DPH1: variants seen among roughly 807,000 people sequenced by gnomAD.
The protein encoded by DPH1 is diphthamide biosynthesis 1, also known as 2-(3-amino-3-carboxypropyl)histidine synthase subunit 1.
Under a neutral mutation model 55.3 loss-of-function variants are expected in DPH1, and 59 were observed. The ratio of observed to expected loss-of-function variants is 1.07; its 90% CI spans 0.87 to 1.33. DPH1 has a LOEUF of 1.33. DPH1 is among the 40% of genes most tolerant of loss of function. The pLI is 0.00. For synonymous variants in DPH1, 238 were observed against 235.5 expected, an observed-to-expected ratio of 1.01 and a Z score of -0.10; for missense variants, 628 against 584.8, an observed-to-expected ratio of 1.07 and a Z score of -0.76.
Position 2,033,633 on chromosome 17 carries a change from A to T in DPH1, c.190A>T (p.Ile64Phe), listed in dbSNP as rs2067361708. 1.2e-6 allele frequency: 2 copies of T among 1,614,034 alleles called. No individual in the cohort carries two copies. The highest frequency in any genetic ancestry group is 2.7e-5 in the African/African-American group (2 of 74,908). Residue 64 changes from isoleucine (I) to phenylalanine (F), a missense_variant, in exon 2 of 13, where the codon ATC becomes TTC. By Grantham distance (21) the Ile-to-Phe change is conservative. Coordinates refer to ENST00000263083, the MANE Select transcript of DPH1 (RefSeq NM_001383.6). ...NFEIPKTIWR[I>F]QQAQAKKVAL... Reference sequence around the variant, plus strand: ...TGAGATCCCCAAGACCATCTGGAGGATCCAACAAGCCCAGGCCAAGAAGGG... The same window carrying T: ...TGAGATCCCCAAGACCATCTGGAGGTTCCAACAAGCCCAGGCCAAGAAGGG...
chr17:2,042,799 C>T lies in DPH1; in HGVS notation c.*213C>T, dbSNP rs777667168. 1.2e-6 allele frequency: 2 copies of T among 1,613,948 alleles called. No homozygotes were observed. Among genetic ancestry groups the T allele is most frequent in the Admixed American group, 1.7e-5 (1 of 60,012 alleles). The stretch of plus-strand genomic sequence containing the variant: ...CAGCCAAGGGGCTGCGCTAGCAGCC[C>T]TTGTGTGTGCCCTGGGCCAGGCAGG... On this transcript the variant is annotated 3_prime_UTR_variant, in exon 13 of 13. Transcript: ENST00000263083.
At chr17:2,033,484 C>G (rs766297925) in intron 1 of DPH1, 21 bp from the exon 2 acceptor site, 6 of 1,613,648 alleles carry the variant, frequency 3.7e-6, no homozygotes, top group Non-Finnish European at 5.1e-6. Context: ...GACACCAACT[C>G]AGGCCTTATA....
chr17:2,036,609 G>C lies in DPH1; in HGVS notation c.481G>C (p.Asp161His), dbSNP rs544360782. Residue 161 changes from aspartate (D) to histidine (H), a missense_variant, in exon 5 of 13, where the codon GAC becomes CAC. Asp to His is a moderately conservative substitution (Grantham distance 81). Transcript: ENST00000263083. The surrounding 1 kb of genome is among the most constrained non-coding windows in gnomAD (Gnocchi z 4.8). ...CCGGATAGACACTACACACCTCCTG[G>C]ACTCTCTCCGCCTCACCTTTCCCCC... ...DIRIDTTHLLDSLRLTFPPAT... is the reference protein window; with the variant it reads ...DIRIDTTHLLHSLRLTFPPAT... 6.2e-7 allele frequency: 1 copy of C among 1,614,062 alleles called. No homozygotes were observed. The highest frequency in any genetic ancestry group is 1.3e-5 in the African/African-American group (1 of 75,006).
chr17:2,034,230 C>G (rs2067371839), intron 3 of DPH1, among the ~76,000 whole-genome samples: 1 of 152,032 alleles, frequency 6.6e-6, no homozygotes, highest in African/African-American at 2.4e-5. Flanking sequence ...GCACCTGTTC[C>G]TCGGGCACAT....
chr17:2,035,058 A>T (rs2067392262), intron 3 of DPH1: 1 of 151,768 alleles, frequency 6.6e-6, no homozygotes, highest in Non-Finnish European at 1.5e-5. Flanking sequence ...TGATTTGGGG[A>T]AGGGGGTGGA....
intron 1 of DPH1, among the ~76,000 whole-genome samples, chr17:2,031,188 A>T (rs749178633): frequency 6.6e-6 from 1 of 152,146 alleles, no homozygotes; most frequent in Non-Finnish European, 1.5e-5. Flanking sequence ...TGGGAGGCTA[A>T]GGAGGATTGT....
At position 2,036,644 on chromosome 17, in the gene DPH1, C is replaced by A. The variant is rs751869459; in HGVS notation, c.516C>A (p.Ala172=). The A allele has an allele frequency of 4.3e-6, 7 of 1,614,040 alleles. No individual in the cohort carries two copies. The Admixed American group carries it at 1.0e-4, about 23-fold the overall frequency. ...GCCTCACCTTTCCCCCAGCCACTGC[C>A]CTTGCCCTGGTCAGCACCATTCAGT... ...SLRLTFPPAT[A]LALVSTIQFV... The change falls in exon 5 of 13, where the codon GCC becomes GCA. Residue 172 remains alanine, a synonymous_variant. Coordinates refer to ENST00000263083, the MANE Select transcript of DPH1 (RefSeq NM_001383.6). The surrounding 1 kb of genome is among the most constrained non-coding windows in gnomAD (Gnocchi z 4.8).
At chr17:2,037,120 T>C in intron 6 of DPH1, 164 bp downstream of exon 6, 1 of 1,038,880 alleles carries the variant, frequency 9.6e-7, no homozygotes, top group Non-Finnish European at 1.3e-6. Flanking sequence ...GACCTCAGGT[T>C]TACTGTCGCT....
At chr17:2,037,281 A>G in intron 6 of DPH1, 1 of 205,168 alleles carries the variant, frequency 4.9e-6, no homozygotes, top group Non-Finnish European at 9.8e-6. Context: ...CCATTAATTT[A>G]CCATCCGGAC....
intron 6 of DPH1, among the ~76,000 whole-genome samples, chr17:2,037,955 G>C (rs1212542424): frequency 6.6e-6 from 1 of 152,128 alleles, no homozygotes; most frequent in Admixed American, 6.6e-5. Context: ...AGGACTGCGT[G>C]AACTAATTCA....
In DPH1 at chr17:2,042,879, C is replaced by G. The variant is rs756222604; in HGVS notation, c.*293C>G. On this transcript the variant is annotated 3_prime_UTR_variant, in exon 13 of 13. Coordinates refer to ENST00000263083, the MANE Select transcript of DPH1 (RefSeq NM_001383.6). ...TCCTCTTGGTGTCTGGTTTCTGTCC[C>G]CGGGGCATTGGGTTCAAGGAATCCA... 1.2e-5 allele frequency: 19 copies of G among 1,614,088 alleles called. No homozygotes were observed. In the South Asian group the frequency reaches 1.3e-4, roughly 11 times the overall value.
chr17:2,042,467 C>G, intron 12 of DPH1, 138 bp from the exon 13 acceptor site: 1 of 1,327,168 alleles, frequency 7.5e-7, no homozygotes, highest in Non-Finnish European at 9.9e-7. Flanking sequence ...CTCATTTCCC[C>G]CCTCTCATTT....
intron 6 of DPH1, chr17:2,037,211 G>A: frequency 2.5e-6 from 1 of 394,378 alleles, no homozygotes. Flanking sequence ...GGTTGAGGGT[G>A]GGCTGGAAAT....
intron 12 of DPH1, chr17:2,042,134 G>A: frequency 6.4e-7 from 1 of 1,551,736 alleles, no homozygotes; most frequent in Non-Finnish European, 8.6e-7. Flanking sequence ...CCGGGGCGCT[G>A]AGGAAGGCGC....
chr17:2,031,209 G>A (rs2067327390), intron 1 of DPH1, among the ~76,000 whole-genome samples: 1 of 152,124 alleles, frequency 6.6e-6, no homozygotes, highest in African/African-American at 2.4e-5. Flanking sequence ...GTGAGCCCAG[G>A]AATTCCACAC....
At chr17:2,042,088 G>C (rs1315095519) in intron 12 of DPH1, 1 of 1,567,030 alleles carries the variant, frequency 6.4e-7, no homozygotes, top group Non-Finnish European at 8.6e-7. Flanking sequence ...TGCCTGGCGG[G>C]CTTCCGGCAG....
intron 3 of DPH1, among the ~76,000 whole-genome samples, chr17:2,035,502 T>TCCGGGTGA (rs550546412): frequency 0.011 from 615 of 53,918 alleles, 5 homozygotes; most frequent in African/African-American, 0.04. Flanking sequence ...GGGGAGGGGG[T>TCCGGGTGA]GGGGGCCCTG....
intron 9 of DPH1, 72 bp from the exon 10 acceptor site, chr17:2,041,031 T>C (rs1241083915): frequency 1.1e-5 from 16 of 1,446,546 alleles, no homozygotes; most frequent in Non-Finnish European, 1.9e-6. Flanking sequence ...GGGGGCACTG[T>C]CATGTTCTTC....
chr17:2,040,695 G>A, intron 9 of DPH1, 90 bp downstream of exon 9: 1 of 1,428,958 alleles, frequency 7.0e-7, no homozygotes, highest in Non-Finnish European at 9.8e-7. Flanking sequence ...AACAGGAATT[G>A]CTTCCATGGT....
Sources: gnomAD v4.1 joint callset for allele counts (sites outside exome capture counted in the v4.1 genomes callset) on GRCh38, gnomAD v4.1.1 for gene constraint, Gnocchi (gnomAD v3.1) non-coding constraint, MANE v1.5 for transcripts, NCBI Gene and HGNC (gene_info 2026-07-23, HGNC 2026-07-21) for gene names.